Variants in UNC5C observed in about 807,000 individuals in gnomAD.
UNC5C encodes netrin receptor UNC5C.
Under a neutral mutation model 99.8 loss-of-function variants are expected in UNC5C, and 47 were observed. That is an observed-to-expected ratio of 0.47 (90% CI 0.37 to 0.60). The LOEUF (loss-of-function observed/expected upper bound fraction) is 0.60. Among genes scored for constraint, UNC5C ranks in the 20% least tolerant of loss-of-function variants. The probability of loss-of-function intolerance (pLI) is 0.00; values close to 1 mark genes in which losing one functional copy is unlikely to be tolerated. For synonymous variants in UNC5C, 487 were observed against 452.2 expected (o/e 1.08, Z -0.98); for missense variants, 1,062 against 1,165.9 (o/e 0.91, Z 1.30).
chr4:95,347,660 G>A (rs530771956), intron 1 of UNC5C, among the ~76,000 whole-genome samples: 12 of 152,046 alleles, frequency 7.9e-5, no homozygotes, highest in Admixed American at 7.9e-4. Flanking sequence ...ACTGGAAAAA[G>A]GACAGTCTCT....
intron 1 of UNC5C, among the ~76,000 whole-genome samples, chr4:95,385,182 A>G (rs1362363617): frequency 6.6e-6 from 1 of 152,186 alleles, no homozygotes; most frequent in South Asian, 2.1e-4. Flanking sequence ...AAAACTTTTC[A>G]TGCTCATAAA....
At chr4:95,426,525 C>A (rs1368992086) in intron 1 of UNC5C, among the ~76,000 whole-genome samples, 1 of 152,218 alleles carries the variant, frequency 6.6e-6, no homozygotes, top group Non-Finnish European at 1.5e-5. Context: ...GTGAGAAAGG[C>A]ATGCCAAAAT....
chr4:95,278,109 A>G (rs1032886833), intron 4 of UNC5C, 150 bp downstream of exon 4: 2 of 642,220 alleles, frequency 3.1e-6, no homozygotes, highest in South Asian at 3.9e-5. Context: ...TTCCCAATCA[A>G]TCTATTTTGC....
Position 95,219,021 on chromosome 4 carries a change from G to A in UNC5C, c.1593C>T (p.Thr531=), listed in dbSNP as rs544350901. The A allele has an allele frequency of 1.6e-5, 26 of 1,613,898 alleles. No homozygotes were observed. In the Admixed American group the frequency reaches 2.3e-4, roughly 14 times the overall value. ...SLARQTDPSC[T]AFGSFNSLGG... ...CCAGCGAGTTGAAGCTGCCAAATGC[G>A]GTACAGGATGGATCAGTCTGCCTTG... is the stretch of plus-strand genomic sequence containing the variant. Residue 531 remains threonine, a synonymous_variant, in exon 9 of 16, where the codon ACC becomes ACT. Coordinates refer to ENST00000453304, the MANE Select transcript of UNC5C (RefSeq NM_003728.4).
At chr4:95,360,559 C>A (rs561299614) in intron 1 of UNC5C, among the ~76,000 whole-genome samples, 2 of 152,178 alleles carry the variant, frequency 1.3e-5, no homozygotes, top group Admixed American at 6.5e-5. Context: ...TGTTTAGCCA[C>A]CTTTCACTGT....
chr4:95,404,679 G>A (rs367926200), intron 1 of UNC5C, among the ~76,000 whole-genome samples: 1 of 152,138 alleles, frequency 6.6e-6, no homozygotes, highest in Non-Finnish European at 1.5e-5. Context: ...TCTGGCAAAG[G>A]CTTCACCCTC....
At chr4:95,542,108 A>C (rs917000752) in intron 1 of UNC5C, among the ~76,000 whole-genome samples, 1 of 152,164 alleles carries the variant, frequency 6.6e-6, no homozygotes, top group South Asian at 2.1e-4. Context: ...TCCTCACAAC[A>C]TTTTAAAATA....
chr4:95,172,802 T>C (rs1219483561), intron 14 of UNC5C, among the ~76,000 whole-genome samples: 2 of 152,166 alleles, frequency 1.3e-5, no homozygotes, highest in Admixed American at 6.5e-5. Context: ...TTGATGGGGA[T>C]GGCATTGAAT....
chr4:95,427,168 T>C (rs1190174026), intron 1 of UNC5C, among the ~76,000 whole-genome samples: 1 of 152,156 alleles, frequency 6.6e-6, no homozygotes, highest in Admixed American at 6.5e-5. Flanking sequence ...TGTGACTGAA[T>C]TGCTGCAATC....
chr4:95,372,669 T>C (rs1367703331), intron 1 of UNC5C, among the ~76,000 whole-genome samples: 1 of 152,164 alleles, frequency 6.6e-6, no homozygotes, highest in East Asian at 1.9e-4. Flanking sequence ...CGTTCCACAT[T>C]CAAAATTAGA....
chr4:95,482,772 C>T (rs1721201159), intron 1 of UNC5C, among the ~76,000 whole-genome samples: 1 of 121,940 alleles, frequency 8.2e-6, no homozygotes, highest in Admixed American at 8.6e-5. Context: ...AAAAACCAAA[C>T]ACCGCGTGTT....
In UNC5C at chr4:95,335,600, A is replaced by G. The variant is rs1366387332; in HGVS notation, c.156T>C (p.Thr52=). Residue 52 remains threonine (T), a synonymous_variant, in exon 2 of 16, where the codon ACT becomes ACC. Transcript: ENST00000453304. ...DDDFFHELPE[T]FPSDPPEPLP... is the part of the protein sequence containing the mutation. ...GAGGCTCAGGTGGATCAGAAGGAAAAGTTTCTGGGAGTTCATGAAAAAAGT... is the reference window on the plus strand; with the variant it reads ...GAGGCTCAGGTGGATCAGAAGGAAAGGTTTCTGGGAGTTCATGAAAAAAGT... 3.7e-6 allele frequency: 6 copies of G among 1,608,828 alleles called. No individual in the cohort carries two copies. The Admixed American group carries it at 5.1e-5, about 14-fold the overall frequency.
At chr4:95,270,402 A>G (rs1364149140) in intron 4 of UNC5C, among the ~76,000 whole-genome samples, 1 of 149,384 alleles carries the variant, frequency 6.7e-6, no homozygotes, top group African/African-American at 2.4e-5. Context: ...GCAAGCTGAA[A>G]TTATATCTTT....
intron 3 of UNC5C, 119 bp from the exon 4 acceptor site, chr4:95,278,481 CTTT>C: frequency 3.4e-6 from 2 of 588,868 alleles, no homozygotes; most frequent in Non-Finnish European, 5.6e-6. Context: ...TTTCTTTTTT[CTTT>C]TTTTTTTTGA....
At chr4:95,529,411 G>A (rs1368669268) in intron 1 of UNC5C, among the ~76,000 whole-genome samples, 8 of 149,260 alleles carry the variant, frequency 5.4e-5, no homozygotes, top group Non-Finnish European at 1.5e-5. Flanking sequence ...TATACTTCTA[G>A]TCACATTTAT....
intron 1 of UNC5C, among the ~76,000 whole-genome samples, chr4:95,520,482 GA>G (rs1431281777): frequency 6.6e-6 from 1 of 152,008 alleles, no homozygotes; most frequent in Non-Finnish European, 1.5e-5. Context: ...TTCGCCTAAG[GA>G]GATATTCATT....
At chr4:95,487,789 G>C (rs1225895230) in intron 1 of UNC5C, among the ~76,000 whole-genome samples, 1 of 151,664 alleles carries the variant, frequency 6.6e-6, no homozygotes, top group Non-Finnish European at 1.5e-5. Context: ...TAACCATATA[G>C]GTAAGTTGGC....
At chr4:95,291,604 A>G (rs989520156) in intron 3 of UNC5C, among the ~76,000 whole-genome samples, 3 of 152,208 alleles carry the variant, frequency 2.0e-5, no homozygotes, top group Admixed American at 1.3e-4. Flanking sequence ...TGGGGCATCC[A>G]TGAAACTTGG....
At chr4:95,302,274 T>C (rs1469507921) in intron 2 of UNC5C, among the ~76,000 whole-genome samples, 1 of 152,256 alleles carries the variant, frequency 6.6e-6, no homozygotes, top group East Asian at 1.9e-4. Flanking sequence ...TCTGGTATCG[T>C]ATCCGAAGAA....
Sources: gnomAD v4.1 joint callset for allele counts (sites outside exome capture counted in the v4.1 genomes callset) on GRCh38, gnomAD v4.1.1 for gene constraint, MANE v1.5 for transcripts, NCBI Gene and HGNC (gene_info 2026-07-23, HGNC 2026-07-21) for gene names.